Variants in ASIC2 observed in about 807,000 individuals in gnomAD.
The protein encoded by ASIC2 is acid sensing ion channel subunit 2, also known as acid-sensing ion channel 2.
A neutral mutation model predicts 57.3 loss-of-function variants in ASIC2; 25 were observed. The ratio of observed to expected loss-of-function variants is 0.44; its 90% CI spans 0.32 to 0.61. The LOEUF is 0.61. ASIC2 is among the 20% of genes least tolerant of loss of function. The pLI is 0.06. For synonymous variants in ASIC2, 319 were observed against 307.5 expected, an observed-to-expected ratio of 1.04 and a Z score of -0.39; for missense variants, 641 against 738.1, an observed-to-expected ratio of 0.87 and a Z score of 1.52.
At chr17:33,203,048 G>A (rs1906936240) in intron 1 of ASIC2, among the ~76,000 whole-genome samples, 1 of 152,214 alleles carries the variant, frequency 6.6e-6, no homozygotes, top group Admixed American at 6.5e-5. Context: ...CGTGGTGTCT[G>A]CTCCAGTGAG....
At chr17:34,065,503 T>C (rs1909138359) in intron 1 of ASIC2, among the ~76,000 whole-genome samples, 1 of 152,120 alleles carries the variant, frequency 6.6e-6, no homozygotes, top group Non-Finnish European at 1.5e-5. Context: ...CAATAACTTG[T>C]GGAAAAATTT....
chr17:33,958,745 G>A (rs1248719054), intron 1 of ASIC2, among the ~76,000 whole-genome samples: 10 of 152,164 alleles, frequency 6.6e-5, no homozygotes, highest in Non-Finnish European at 1.3e-4. Context: ...CATTTTCCCT[G>A]TTGTCTTGGT....
intron 1 of ASIC2, among the ~76,000 whole-genome samples, chr17:33,705,793 T>C (rs1243114924): frequency 6.6e-6 from 1 of 152,190 alleles, no homozygotes; most frequent in Non-Finnish European, 1.5e-5. Context: ...TTCTGTTGTT[T>C]TAAGCCACGA....
intron 1 of ASIC2, among the ~76,000 whole-genome samples, chr17:33,368,869 C>T (rs751102401): frequency 2.6e-5 from 4 of 152,156 alleles, no homozygotes; most frequent in South Asian, 2.1e-4. Flanking sequence ...CACAGGGAGG[C>T]CCTGGAGAGG....
At chr17:33,434,626 AG>A (rs1567859952) in intron 1 of ASIC2, among the ~76,000 whole-genome samples, 1 of 152,242 alleles carries the variant, frequency 6.6e-6, no homozygotes, top group African/African-American at 2.4e-5. Context: ...TTATGTACAA[AG>A]GACATAGGTA....
At chr17:33,452,166 C>G (rs1014232615) in intron 1 of ASIC2, among the ~76,000 whole-genome samples, 1 of 152,212 alleles carries the variant, frequency 6.6e-6, no homozygotes, top group East Asian at 1.9e-4. Context: ...TGTTAGTATT[C>G]GGATTGTCTA....
intron 1 of ASIC2, among the ~76,000 whole-genome samples, chr17:33,852,269 GAT>G (rs1209142434): frequency 6.6e-6 from 1 of 152,210 alleles, no homozygotes; most frequent in African/African-American, 2.4e-5. Context: ...GAATCTTTTA[GAT>G]ATGTGAAGCT....
At chr17:33,386,509 AT>A (rs1462467267) in intron 1 of ASIC2, among the ~76,000 whole-genome samples, 1 of 152,106 alleles carries the variant, frequency 6.6e-6, no homozygotes, top group Non-Finnish European at 1.5e-5. Flanking sequence ...GGCTATATTG[AT>A]TTTACCTATT....
intron 3 of ASIC2, among the ~76,000 whole-genome samples, chr17:33,030,741 T>C (rs1287598498): frequency 6.6e-6 from 1 of 152,188 alleles, no homozygotes; most frequent in African/African-American, 2.4e-5. Context: ...TTTTGGCAAA[T>C]ATACTTTCTA....
At chr17:33,203,127 TG>T (rs1906940495) in intron 1 of ASIC2, among the ~76,000 whole-genome samples, 1 of 152,210 alleles carries the variant, frequency 6.6e-6, no homozygotes, top group Non-Finnish European at 1.5e-5. Flanking sequence ...TAGGAGCCCA[TG>T]GCCCCTTTCA....
chr17:33,593,350 G>T (rs116710315), intron 1 of ASIC2, among the ~76,000 whole-genome samples: 4,515 of 150,280 alleles, frequency 0.03, 163 homozygotes, highest in African/African-American at 0.09. Flanking sequence ...GTCTCTCTGG[G>T]TCCCCTCATT....
At chr17:34,146,725 G>C (rs539593469) in intron 1 of ASIC2, 57 of 152,290 alleles carry the variant, frequency 3.7e-4, no homozygotes, top group Non-Finnish European at 4.0e-4. Flanking sequence ...CCCCACGAAG[G>C]GGACTGATTA....
intron 1 of ASIC2, among the ~76,000 whole-genome samples, chr17:33,332,261 C>T (rs1907343386): frequency 2.0e-5 from 3 of 152,206 alleles, no homozygotes; most frequent in African/African-American, 7.2e-5. Context: ...GTGAGACACA[C>T]ATGCAATTTT....
At chr17:33,733,509 T>C (rs559478108) in intron 1 of ASIC2, among the ~76,000 whole-genome samples, 74 of 152,322 alleles carry the variant, frequency 4.9e-4, no homozygotes, top group African/African-American at 1.6e-3. Context: ...GGAGAGAAGA[T>C]GGAGACCTCA....
intron 1 of ASIC2, among the ~76,000 whole-genome samples, chr17:34,043,660 C>G (rs1908222206): frequency 2.0e-5 from 3 of 152,222 alleles, no homozygotes; most frequent in Admixed American, 2.0e-4. Flanking sequence ...GAATTTAAAA[C>G]ACTTTTACCT....
intron 1 of ASIC2, among the ~76,000 whole-genome samples, chr17:34,050,353 T>C (rs986133568): frequency 6.6e-6 from 1 of 152,134 alleles, no homozygotes; most frequent in African/African-American, 2.4e-5. Flanking sequence ...CCAGGTCTGT[T>C]ATATGCAGAT....
intron 1 of ASIC2, among the ~76,000 whole-genome samples, chr17:33,647,572 G>T (rs1423414800): frequency 1.3e-5 from 2 of 152,176 alleles, no homozygotes; most frequent in Non-Finnish European, 2.9e-5. Context: ...GAGACCCCAG[G>T]TTACCCACTC....
At chr17:33,218,613 T>C (rs1907583974) in intron 1 of ASIC2, among the ~76,000 whole-genome samples, 1 of 150,534 alleles carries the variant, frequency 6.6e-6, no homozygotes, top group African/African-American at 2.5e-5. Flanking sequence ...ATCATTATTA[T>C]AAGTTGAGCA....
intron 1 of ASIC2, among the ~76,000 whole-genome samples, chr17:33,185,544 G>A (rs922455619): frequency 6.6e-6 from 1 of 152,134 alleles, no homozygotes; most frequent in African/African-American, 2.4e-5. Context: ...GAGGTTCTAG[G>A]TTGTGGTGGA....
Sources: allele counts gnomAD v4.1 joint callset (sites outside exome capture counted in the v4.1 genomes callset), GRCh38; gene constraint gnomAD v4.1.1; transcripts MANE v1.5; gene names NCBI Gene and HGNC (gene_info 2026-07-23, HGNC 2026-07-21).